Variants in SCN9A observed in about 807,000 individuals in gnomAD.
SCN9A encodes sodium channel protein type 9 subunit alpha.
In SCN9A, 131 loss-of-function variants were observed where a neutral mutation model predicts 187.0. That is an observed-to-expected ratio of 0.70 (90% CI 0.61 to 0.81). The LOEUF is 0.81. Ranked by LOEUF, SCN9A falls within the 30% of genes least tolerant of loss-of-function variation. The pLI, the probability that SCN9A is intolerant of heterozygous loss-of-function variation, is 0.00. For missense variants in SCN9A, 2,252 were observed against 2,396.6 expected (o/e 0.94, Z 1.26); for synonymous variants, 809 against 808.6 (o/e 1.00, Z -0.01).
At chr2:166,223,254 TC>T (rs1243353409) in intron 24 of SCN9A, among the ~76,000 whole-genome samples, 1 of 152,294 alleles carries the variant, frequency 6.6e-6, no homozygotes, top group East Asian at 1.9e-4. Flanking sequence ...AGTCCTTACT[TC>T]CATGTTCACT....
At chr2:166,246,570 G>A (rs551826302) in intron 18 of SCN9A, among the ~76,000 whole-genome samples, 1 of 152,140 alleles carries the variant, frequency 6.6e-6, no homozygotes, top group Non-Finnish European at 1.5e-5. Flanking sequence ...CGAAAAAAAT[G>A]AGATGAATTT....
Position 166,272,773 on chromosome 2 carries a change from T to G in SCN9A, c.2977A>C (p.Thr993Pro). The stretch of plus-strand genomic sequence containing the variant: ...TAATTTATTCCCTTTTTAATTCTAG[T>G]CACTGCAATCTGGAGGTTGTTTGCA... ...PDANNLQIAVTRIKKGINYVK... is the reference protein window; with the variant it reads ...PDANNLQIAVPRIKKGINYVK... The change falls in exon 17 of 27, where the codon ACT becomes CCT. Residue 993 changes from threonine (T) to proline (P), a missense_variant. Coordinates refer to ENST00000642356, the MANE Select transcript of SCN9A (RefSeq NM_001365536.1). 1 of 1,534,350 alleles carries G rather than the reference T, an allele frequency of 6.5e-7. No individual in the cohort carries two copies. Among genetic ancestry groups the G allele is most frequent in the Non-Finnish European group, 8.7e-7 (1 of 1,144,154 alleles).
chr2:166,299,199 A>G (rs1698450775), intron 7 of SCN9A, among the ~76,000 whole-genome samples: 1 of 143,468 alleles, frequency 7.0e-6, no homozygotes, highest in East Asian at 1.9e-4. Context: ...TCCATACAAA[A>G]ACCCATATAT....
intron 1 of SCN9A, among the ~76,000 whole-genome samples, chr2:166,364,972 T>C (rs1442409770): frequency 2.0e-5 from 3 of 152,152 alleles, no homozygotes; most frequent in Non-Finnish European, 2.9e-5. Context: ...CTCCTTGGTA[T>C]CTGTTTTGCT....
intron 1 of SCN9A, among the ~76,000 whole-genome samples, chr2:166,360,999 T>A (rs1700271232): frequency 6.6e-6 from 1 of 152,164 alleles, no homozygotes; most frequent in African/African-American, 2.4e-5. Flanking sequence ...GGCTCCAGAG[T>A]GAGAGAGGCA....
intron 24 of SCN9A, among the ~76,000 whole-genome samples, chr2:166,224,033 G>A (rs1694740295): frequency 2.0e-5 from 3 of 152,110 alleles, no homozygotes; most frequent in Admixed American, 1.3e-4. Context: ...CCTGACTTTG[G>A]TGGTGATAGT....
At chr2:166,302,716 TAATA>T (rs1250996710) in intron 7 of SCN9A, 2 of 148,818 alleles carry the variant, frequency 1.3e-5, no homozygotes, top group South Asian at 2.1e-4. Context: ...ACATTATATA[TAATA>T]AATATAAGTA....
intron 1 of SCN9A, among the ~76,000 whole-genome samples, chr2:166,337,626 G>A (rs1250497475): frequency 6.6e-6 from 1 of 152,064 alleles, no homozygotes; most frequent in Admixed American, 6.6e-5. Context: ...AAATTGGTTT[G>A]AGCTGGTATA....
intron 1 of SCN9A, among the ~76,000 whole-genome samples, chr2:166,363,838 C>A (rs1433995534): frequency 6.6e-6 from 1 of 151,920 alleles, no homozygotes; most frequent in African/African-American, 2.4e-5. Context: ...AAAAAAAGAG[C>A]TGAATTGGAT....
chr2:166,304,823 C>T (rs1698700452), intron 5 of SCN9A, among the ~76,000 whole-genome samples: 1 of 152,000 alleles, frequency 6.6e-6, no homozygotes, highest in African/African-American at 2.4e-5. Context: ...GGTTGTTAAA[C>T]TTCTCTAATT....
At chr2:166,363,982 C>T (rs1700353360) in intron 1 of SCN9A, among the ~76,000 whole-genome samples, 1 of 151,484 alleles carries the variant, frequency 6.6e-6, no homozygotes, top group African/African-American at 2.4e-5. Flanking sequence ...TAAAAAATTC[C>T]TACTCCTCAA....
intron 10 of SCN9A, among the ~76,000 whole-genome samples, chr2:166,287,080 A>G (rs1437844994): frequency 6.6e-6 from 1 of 152,146 alleles, no homozygotes; most frequent in African/African-American, 2.4e-5. Flanking sequence ...ATTGTAAGAA[A>G]GTGGTAAGGT....
rs978208178 is a variant in SCN9A, at chr2:166,280,400, G to T, written c.2300C>A (p.Pro767Gln). The change falls in exon 14 of 27, where the codon CCA (proline) becomes CAA (glutamine). Residue 767 changes from proline to glutamine, a missense_variant. By Grantham distance (76) the Pro-to-Gln change is moderately conservative. This residue lies in a region of SCN9A where 1,013 missense variants were observed against 997.4 expected (regional missense o/e 1.02). Transcript: ENST00000642356. ...NTLFMAMEHH[P>Q]MTEEFKNVLA... ...TACATTTTTGAATTCCTCAGTCATT[G>T]GGTGGTGTTCCATAGCCATAAATAA... 1.3e-6 allele frequency: 2 copies of T among 1,588,950 alleles called. No individual in the cohort carries two copies. The highest frequency in any genetic ancestry group is 1.3e-5 in the African/African-American group (1 of 74,770).
intron 1 of SCN9A, among the ~76,000 whole-genome samples, chr2:166,347,131 C>A (rs1176468461): frequency 1.3e-5 from 2 of 152,082 alleles, no homozygotes; most frequent in Non-Finnish European, 2.9e-5. Context: ...TTAGAGAGAA[C>A]ATAAGAAGAG....
chr2:166,367,559 C>T (rs1700448391), intron 1 of SCN9A, among the ~76,000 whole-genome samples: 1 of 152,194 alleles, frequency 6.6e-6, no homozygotes, highest in Non-Finnish European at 1.5e-5. Context: ...GCCACCGCGC[C>T]TGGCCCACCC....
At chr2:166,306,178 A>C in intron 4 of SCN9A, among the ~76,000 whole-genome samples, 1 of 152,122 alleles carries the variant, frequency 6.6e-6, no homozygotes, top group South Asian at 2.1e-4. Flanking sequence ...AAAATTTCCT[A>C]CATTGCTTCT....
chr2:166,326,336 A>G (rs528693904), intron 1 of SCN9A, among the ~76,000 whole-genome samples: 1 of 152,310 alleles, frequency 6.6e-6, no homozygotes, highest in East Asian at 1.9e-4. Flanking sequence ...ACTTAAACCA[A>G]GTCTATATCC....
At chr2:166,336,650 T>C (rs932795840) in intron 1 of SCN9A, among the ~76,000 whole-genome samples, 23 of 152,244 alleles carry the variant, frequency 1.5e-4, no homozygotes, top group African/African-American at 5.5e-4. Context: ...TTGCTTTGTT[T>C]ACACTGTAAA....
At chr2:166,285,997 T>C (rs1485337646) in intron 11 of SCN9A, among the ~76,000 whole-genome samples, 3 of 152,144 alleles carry the variant, frequency 2.0e-5, no homozygotes, top group Non-Finnish European at 4.4e-5. Context: ...CAATGAAGCA[T>C]TACAAAACAC....
Sources: gnomAD v4.1 joint callset for allele counts (sites outside exome capture counted in the v4.1 genomes callset) on GRCh38, gnomAD v4.1.1 for gene constraint, gnomAD v4.1.1 regional missense constraint, MANE v1.5 for transcripts, NCBI Gene and HGNC (gene_info 2026-07-23, HGNC 2026-07-21) for gene names.